Variants in ROBO1 observed in about 807,000 individuals in gnomAD.
ROBO1 encodes the protein roundabout guidance receptor 1.
ROBO1 carries 149 observed loss-of-function variants against 195.9 expected under a neutral mutation model. The observed-to-expected ratio is 0.76, with a 90% CI of 0.67 to 0.87. The LOEUF is 0.87. Among genes scored for constraint, ROBO1 ranks in the 40% least tolerant of loss-of-function variants. The pLI, the probability that ROBO1 is intolerant of heterozygous loss-of-function variation, is 0.00. For synonymous variants in ROBO1, 816 were observed against 733.2 expected (o/e 1.11, Z -1.82); for missense variants, 1,933 against 2,068.3 (o/e 0.93, Z 1.27).
intron 1 of ROBO1, among the ~76,000 whole-genome samples, chr3:79,684,653 TATGATGATGATG>T (rs111991356): frequency 6.6e-6 from 1 of 151,022 alleles, no homozygotes; most frequent in Non-Finnish European, 1.5e-5. Context: ...ACTCCTGAAT[TATGATGATGATG>T]ATGATGATGA....
chr3:78,740,597 G>A (rs57373402), intron 5 of ROBO1, among the ~76,000 whole-genome samples: 26,642 of 151,326 alleles, frequency 0.18, 3,100 homozygotes, highest in East Asian at 0.52. Flanking sequence ...TCAGACTCCC[G>A]AGTAGCTGGG....
rs373944186 is a variant in ROBO1, at chr3:78,625,151, A to T, written c.3875+2170T>A. On this transcript the variant is annotated intron_variant, in intron 26 of 30. Coordinates refer to ENST00000464233, the MANE Select transcript of ROBO1 (RefSeq NM_002941.4). ...AGAAAAGTGGAATCCATTTAAGGAT[A>T]AGGTGGATTTCATGGGACAGGGATG... Among the ~76,000 whole-genome samples, 421 of 152,298 alleles carry T rather than the reference A, an allele frequency of 2.8e-3. 4 individuals carry two copies. Among genetic ancestry groups the T allele is most frequent in the African/African-American group, 9.6e-3 (397 of 41,568 alleles).
chr3:79,465,430 T>C (rs1937908206), intron 2 of ROBO1, among the ~76,000 whole-genome samples: 1 of 152,184 alleles, frequency 6.6e-6, no homozygotes, highest in African/African-American at 2.4e-5. Context: ...GATTAACCAA[T>C]TGCTCAGAAA....
intron 7 of ROBO1, among the ~76,000 whole-genome samples, chr3:78,716,174 T>A (rs531372785): frequency 6.6e-6 from 1 of 152,164 alleles, no homozygotes; most frequent in African/African-American, 2.4e-5. Flanking sequence ...CAAATTCAAA[T>A]TCCCCCCTCT....
intron 2 of ROBO1, among the ~76,000 whole-genome samples, chr3:79,556,000 A>T (rs1243684754): frequency 6.6e-6 from 1 of 152,106 alleles, no homozygotes; most frequent in Admixed American, 6.6e-5. Context: ...TTGTTATATA[A>T]TTCTCTAAGA....
chr3:78,631,147 G>A lies in ROBO1; in HGVS notation c.3626+14C>T. On this transcript the variant is annotated intron_variant, in intron 25 of 30. Transcript: ENST00000464233. ...ATATTACACTGTTTACATCTGTTTG[G>A]ATGCTCCTCTTACCTTTCATCTACA... The A allele has an allele frequency of 6.2e-7, 1 of 1,605,868 alleles. No homozygotes were observed. Among genetic ancestry groups the A allele is most frequent in the African/African-American group, 1.3e-5 (1 of 74,964 alleles).
chr3:78,614,517 G>T, intron 28 of ROBO1, 131 bp downstream of exon 28: 1 of 976,482 alleles, frequency 1.0e-6, no homozygotes, highest in Non-Finnish European at 1.4e-6. Flanking sequence ...GCTTCTATAA[G>T]TAATATGAAG....
chr3:78,809,987 T>TA (rs57179877), intron 4 of ROBO1, among the ~76,000 whole-genome samples: 44,727 of 139,806 alleles, frequency 0.32, 6,793 homozygotes, highest in East Asian at 0.52. Flanking sequence ...TAAAGTATAG[T>TA]AAAAAAAAAA....
At chr3:79,376,085 A>G (rs1401856612) in intron 2 of ROBO1, among the ~76,000 whole-genome samples, 1 of 152,242 alleles carries the variant, frequency 6.6e-6, no homozygotes, top group Non-Finnish European at 1.5e-5. Context: ...AAAGTGTGCT[A>G]TGTGAATATA....
At chr3:79,441,123 C>T (rs1372297552) in intron 2 of ROBO1, among the ~76,000 whole-genome samples, 3 of 152,040 alleles carry the variant, frequency 2.0e-5, no homozygotes, top group Admixed American at 6.6e-5. Context: ...ACAAAAGATG[C>T]TAAGGTTGAG....
intron 3 of ROBO1, among the ~76,000 whole-genome samples, chr3:79,034,552 G>T (rs2108312638): frequency 6.6e-6 from 1 of 152,220 alleles, no homozygotes; most frequent in East Asian, 1.9e-4. Context: ...AGTAAAAGAT[G>T]TCTATGGTGG....
chr3:78,717,404 G>C lies in ROBO1; in HGVS notation c.788C>G (p.Ser263Ter). The change falls in exon 7 of 31, where the codon TCA becomes TGA. Residue 263 changes from serine to a stop codon, truncating the protein, a stop_gained. Coordinates refer to ENST00000464233, the MANE Select transcript of ROBO1 (RefSeq NM_002941.4). LOFTEE classifies it high-confidence loss of function. The stretch of plus-strand genomic sequence containing the variant: ...CAAGTTACTGGGTCTCTTCACAAAT[G>C]ATGGTCTCTCTAAAATTAAAAAGAG... ...VAELTVLERPSFVKRPSNLAV... is the reference protein window; with the variant it reads ...VAELTVLERP The C allele has an allele frequency of 6.2e-7, 1 of 1,613,506 alleles. No individual in the cohort carries two copies. The highest frequency in any genetic ancestry group is 8.5e-7 in the Non-Finnish European group (1 of 1,179,558).
intron 3 of ROBO1, among the ~76,000 whole-genome samples, chr3:78,943,483 T>C (rs568642520): frequency 6.6e-6 from 1 of 152,274 alleles, no homozygotes; most frequent in South Asian, 2.1e-4. Flanking sequence ...GCAATAAAAA[T>C]GTTTTCCATA....
intron 2 of ROBO1, among the ~76,000 whole-genome samples, chr3:79,421,487 C>A (rs562750705): frequency 1.3e-5 from 2 of 152,064 alleles, no homozygotes; most frequent in African/African-American, 4.8e-5. Flanking sequence ...GGGTGAGAGG[C>A]CGTGTGGGGA....
rs969747847 is a variant in ROBO1, at chr3:78,598,756, T to TA, written c.*156dup. 1 of 482,820 alleles carries TA rather than the reference T, an allele frequency of 2.1e-6. No individual in the cohort carries two copies. The highest frequency in any genetic ancestry group is 3.1e-5 in the East Asian group (1 of 32,030). 29.9% of individuals were successfully genotyped at this position (482,820 alleles called of 1,614,324 possible). Reference sequence around the variant, plus strand: ...TCAAACAACAACAATAAAAACCCAATAAAGTTTTTAAAATGATATCCCAAT... The same window carrying TA: ...TCAAACAACAACAATAAAAACCCAATAAAAGTTTTTAAAATGATATCCCAAT... On this transcript the variant is annotated 3_prime_UTR_variant, in exon 31 of 31. Transcript: ENST00000464233.
intron 2 of ROBO1, among the ~76,000 whole-genome samples, chr3:79,471,724 G>A (rs1465772467): frequency 6.6e-6 from 1 of 152,026 alleles, no homozygotes; most frequent in Non-Finnish European, 1.5e-5. Context: ...AGAAAATGTA[G>A]CACATATACA....
At chr3:78,704,829 G>A (rs1034402533) in intron 8 of ROBO1, among the ~76,000 whole-genome samples, 2 of 152,076 alleles carry the variant, frequency 1.3e-5, no homozygotes, top group Admixed American at 1.3e-4. Flanking sequence ...GTGACATAAT[G>A]AGACCCTGTC....
At chr3:79,618,752 T>C (rs1944905143) in intron 1 of ROBO1, among the ~76,000 whole-genome samples, 1 of 152,246 alleles carries the variant, frequency 6.6e-6, no homozygotes, top group South Asian at 2.1e-4. Context: ...CATGAGGAGA[T>C]CCACCTACGA....
intron 2 of ROBO1, among the ~76,000 whole-genome samples, chr3:79,444,475 G>A (rs2039168853): frequency 6.6e-6 from 1 of 152,080 alleles, no homozygotes; most frequent in South Asian, 2.1e-4. Context: ...TGTTTGCAAG[G>A]ATACTGAGAA....
Sources: gnomAD v4.1 joint callset for allele counts (sites outside exome capture counted in the v4.1 genomes callset) on GRCh38, gnomAD v4.1.1 for gene constraint, MANE v1.5 for transcripts, NCBI Gene and HGNC (gene_info 2026-07-23, HGNC 2026-07-21) for gene names.